The following CELF2 variants were observed in gnomAD, a reference collection of about 807,000 sequenced individuals.
CELF2 encodes CUG triplet repeat RNA-binding protein 2.
CELF2 carries 8 observed loss-of-function variants against 62.6 expected under a neutral mutation model. The observed-to-expected ratio is 0.13, with a 90% CI of 0.07 to 0.23. The LOEUF (loss-of-function observed/expected upper bound fraction) is 0.23. CELF2 is among the 10% of genes least tolerant of loss of function. The pLI, the probability that CELF2 is intolerant of heterozygous loss-of-function variation, is 1.00. For missense variants in CELF2, 333 were observed against 671.0 expected, an observed-to-expected ratio of 0.50 and a Z score of 5.56; for synonymous variants, 258 against 250.0, an observed-to-expected ratio of 1.03 and a Z score of -0.30.
At chr10:11,176,298 A>G (rs1427202462) in intron 2 of CELF2, among the ~76,000 whole-genome samples, 1 of 152,188 alleles carries the variant, frequency 6.6e-6, no homozygotes, top group East Asian at 1.9e-4. Context: ...AAGGACAGAA[A>G]ATGTACAGTC....
At chr10:10,937,369 G>A (rs948686041) in intron 2 of CELF2, 1 of 152,096 alleles carries the variant, frequency 6.6e-6, no homozygotes, top group Non-Finnish European at 1.5e-5. Context: ...GACCTCAGGT[G>A]ATCCGTCCAC....
At chr10:10,902,146 C>G (rs1357637711) in intron 1 of CELF2, among the ~76,000 whole-genome samples, 1 of 152,192 alleles carries the variant, frequency 6.6e-6, no homozygotes, top group Non-Finnish European at 1.5e-5. Context: ...TAAAATAGCA[C>G]TATCTCACCT....
Position 11,048,404 on chromosome 10 carries a change from CAT to C in CELF2, c.74+30245_74+30246del, listed in dbSNP as rs532771968. On this transcript the variant is annotated intron_variant, in intron 1 of 12. Transcript: ENST00000633077. The stretch of plus-strand genomic sequence containing the variant: ...TAAAAGTAGTGAGAGATGAACCTGA[CAT>C]ATACTTGATAATCAGATGGTTGCGT... Among the ~76,000 whole-genome samples the C allele has an allele frequency of 2.3e-4, 35 of 152,334 alleles. No individual in the cohort carries two copies. The South Asian group carries it at 4.3e-3, about 19-fold the overall frequency.
chr10:11,101,180 TAGAG>T (rs1348975237), intron 1 of CELF2, among the ~76,000 whole-genome samples: 3 of 152,140 alleles, frequency 2.0e-5, no homozygotes, highest in Admixed American at 1.3e-4. Context: ...ATGGTGGTGT[TAGAG>T]AGCTAGTTCG....
intron 1 of CELF2, among the ~76,000 whole-genome samples, chr10:11,126,558 G>A (rs1268709004): frequency 6.6e-6 from 1 of 152,146 alleles, no homozygotes; most frequent in Non-Finnish European, 1.5e-5. Flanking sequence ...AGACATTGTT[G>A]ATGTATATAA....
intron 2 of CELF2, among the ~76,000 whole-genome samples, chr10:11,174,649 T>G (rs1164924891): frequency 6.6e-6 from 1 of 152,260 alleles, no homozygotes; most frequent in Non-Finnish European, 1.5e-5. Context: ...ACCCACCATC[T>G]GATCATTATA....
At position 11,008,697 on chromosome 10, in the gene CELF2, C is replaced by T. The variant is rs572642559; in HGVS notation, c.53+3257C>T. Among the ~76,000 whole-genome samples, 9 of 152,204 alleles carry T rather than the reference C, an allele frequency of 5.9e-5. No individual in the cohort carries two copies. The East Asian group carries it at 1.5e-3, about 26-fold the overall frequency. ...GTAAAATGCACAAGGAAGAGTGTTA[C>T]GTGGGGACGATCATTCTGTATTTAA... On this transcript the variant is annotated intron_variant, in intron 1 of 12. Transcript: ENST00000416382. This position sits in a 1 kb window ranked among gnomAD's most constrained non-coding sequence, Gnocchi z 4.5.
chr10:10,908,997 C>A (rs1394236185), intron 1 of CELF2, among the ~76,000 whole-genome samples: 1 of 152,164 alleles, frequency 6.6e-6, no homozygotes, highest in African/African-American at 2.4e-5. Context: ...CCATGTTGGT[C>A]AGGCTGGTCT....
At chr10:10,563,096 C>T in the CELF2 span, among the ~76,000 whole-genome samples, 4 of 152,188 alleles carry the variant, frequency 2.6e-5, no homozygotes, top group Admixed American at 6.5e-5. Context: ...CCCGTGAATG[C>T]CATAGGATCT....
At chr10:10,716,993 G>C in the CELF2 span, among the ~76,000 whole-genome samples, 1 of 152,150 alleles carries the variant, frequency 6.6e-6, no homozygotes, top group Non-Finnish European at 1.5e-5. Context: ...AAGCATGCGG[G>C]CACGTGAATC....
chr10:10,767,214 ACCACCAC>A, the CELF2 span, among the ~76,000 whole-genome samples: 1 of 129,778 alleles, frequency 7.7e-6, no homozygotes, highest in Admixed American at 7.3e-5. Flanking sequence ...CAGTACCGCC[ACCACCAC>A]TGCCACCACC....
At chr10:10,687,979 A>AC in the CELF2 span, among the ~76,000 whole-genome samples, 1 of 152,352 alleles carries the variant, frequency 6.6e-6, no homozygotes, top group South Asian at 2.1e-4. Context: ...ACAAAGCCTT[A>AC]CCATTGTTCT....
intron 2 of CELF2, among the ~76,000 whole-genome samples, chr10:10,935,913 A>G (rs2046334170): frequency 6.6e-6 from 1 of 151,976 alleles, no homozygotes; most frequent in Non-Finnish European, 1.5e-5. Flanking sequence ...ACACTTTGGG[A>G]GGCCAAGGCA....
chr10:10,633,851 T>C, the CELF2 span, among the ~76,000 whole-genome samples: 2 of 152,030 alleles, frequency 1.3e-5, no homozygotes, highest in Non-Finnish European at 2.9e-5. Context: ...AATTAATACA[T>C]ATATTTTAAT....
chr10:10,637,339 A>T, the CELF2 span, among the ~76,000 whole-genome samples: 2 of 152,282 alleles, frequency 1.3e-5, no homozygotes, highest in South Asian at 4.2e-4. Context: ...ACAAGATTAG[A>T]ACTAGAACCT....
rs191780701 is a variant in CELF2 at position 11,089,131 on chromosome 10, C to T, written c.74+70968C>T. The stretch of plus-strand genomic sequence containing the variant: ...TTTTGGTGACAAGAGTCCTAAGAGC[C>T]AGCCCAGATTCAAGAGGAGAGGATT... On this transcript the variant is annotated intron_variant, in intron 1 of 12. Transcript: ENST00000633077. 2.6e-5 allele frequency among the ~76,000 whole-genome samples: 4 copies of T among 152,272 alleles called. No homozygotes were observed. The East Asian group carries it at 7.7e-4, about 29-fold the overall frequency.
intron 1 of CELF2, among the ~76,000 whole-genome samples, chr10:10,849,242 CAA>C (rs112921075): frequency 4.7e-5 from 5 of 107,202 alleles, no homozygotes; most frequent in Non-Finnish European, 6.1e-5. Flanking sequence ...ACTAAAAATA[CAA>C]AAAAAAAAAA....
intron 1 of CELF2, among the ~76,000 whole-genome samples, chr10:11,086,384 A>T (rs1266369009): frequency 2.0e-5 from 3 of 152,016 alleles, no homozygotes; most frequent in Non-Finnish European, 4.4e-5. Context: ...CCTGCACTGC[A>T]GAGGGTGTGA....
chr10:11,235,440 G>C (rs2070836434), intron 3 of CELF2, among the ~76,000 whole-genome samples: 1 of 152,164 alleles, frequency 6.6e-6, no homozygotes, highest in African/African-American at 2.4e-5. Flanking sequence ...GATTGAACTT[G>C]AAGATAAGCA....
Sources: allele counts gnomAD v4.1 joint callset (sites outside exome capture counted in the v4.1 genomes callset), GRCh38; gene constraint gnomAD v4.1.1; non-coding constraint Gnocchi (gnomAD v3.1); transcripts MANE v1.5; gene names NCBI Gene and HGNC (gene_info 2026-07-23, HGNC 2026-07-21).